RNLS: variants seen among roughly 807,000 people sequenced by gnomAD.
RNLS encodes renalase.
In RNLS, 39 loss-of-function variants were observed where a neutral mutation model predicts 39.8. That is an observed-to-expected ratio of 0.98 (90% CI 0.76 to 1.28). The LOEUF is 1.28. Among genes scored for constraint, RNLS ranks in the 50% most tolerant of loss-of-function variants. RNLS has a pLI of 0.00. For synonymous variants in RNLS, 147 were observed against 150.7 expected (o/e 0.98, Z 0.18); for missense variants, 410 against 413.3 (o/e 0.99, Z 0.07).
chr10:88,556,728 T>G (rs1848895918), intron 4 of RNLS, among the ~76,000 whole-genome samples: 1 of 152,166 alleles, frequency 6.6e-6, no homozygotes, highest in South Asian at 2.1e-4. Flanking sequence ...CCTCCAGAGA[T>G]TCTCTTGGTT....
chr10:88,403,492 C>T (rs1853064915), intron 4 of RNLS, among the ~76,000 whole-genome samples: 1 of 151,874 alleles, frequency 6.6e-6, no homozygotes, highest in African/African-American at 2.4e-5. Flanking sequence ...TAATATGATG[C>T]CTGAAATTTC....
intron 4 of RNLS, among the ~76,000 whole-genome samples, chr10:88,423,388 C>T (rs1388441960): frequency 1.3e-5 from 2 of 152,160 alleles, no homozygotes; most frequent in Non-Finnish European, 2.9e-5. Flanking sequence ...GTTGTATAGC[C>T]AGTGCTTTTA....
chr10:88,384,328 T>C (rs2133539415), intron 4 of RNLS, among the ~76,000 whole-genome samples: 1 of 152,324 alleles, frequency 6.6e-6, no homozygotes. Context: ...GGTCAAACAC[T>C]GGTAAATGAA....
At chr10:88,316,542 G>A (rs1845777950) in intron 5 of RNLS, among the ~76,000 whole-genome samples, 1 of 152,188 alleles carries the variant, frequency 6.6e-6, no homozygotes. Context: ...GGGGCTCTGA[G>A]TTGACTTATC....
chr10:88,351,837 C>T (rs1050202190), intron 5 of RNLS, among the ~76,000 whole-genome samples: 1 of 152,186 alleles, frequency 6.6e-6, no homozygotes, highest in African/African-American at 2.4e-5. Context: ...TATCCATAAG[C>T]ATGGAATGTT....
At chr10:88,401,038 T>C (rs1287690039) in intron 4 of RNLS, among the ~76,000 whole-genome samples, 2 of 151,954 alleles carry the variant, frequency 1.3e-5, no homozygotes, top group Admixed American at 1.3e-4. Context: ...ATAATTCAAA[T>C]TGTATTGGAT....
chr10:88,367,886 T>C (rs1046421117), intron 4 of RNLS, among the ~76,000 whole-genome samples: 8 of 152,156 alleles, frequency 5.3e-5, no homozygotes, highest in African/African-American at 1.9e-4. Context: ...GAGTTCTTTA[T>C]ATATTGTGGA....
At chr10:88,255,662 G>A in the RNLS span, among the ~76,000 whole-genome samples, 1 of 152,268 alleles carries the variant, frequency 6.6e-6, no homozygotes, top group South Asian at 2.1e-4. Context: ...CATTTATCAG[G>A]AACAAAGGCT....
In RNLS at chr10:88,344,913, A is replaced by G. The variant is rs372887051; in HGVS notation, c.700+17639T>C. ...TGATTCCAGTGCTTAATATTCATTC[A>G]TATTATGCAGGGAATTCAATGTCCT... On this transcript the variant is annotated intron_variant, in intron 5 of 6. Transcript: ENST00000331772. Among the ~76,000 whole-genome samples the G allele has an allele frequency of 2.0e-5, 3 of 152,274 alleles. No homozygotes were observed. The East Asian group carries it at 5.8e-4, about 29-fold the overall frequency.
chr10:88,215,691 ATTT>A, the RNLS span, among the ~76,000 whole-genome samples: 2 of 95,430 alleles, frequency 2.1e-5, no homozygotes, highest in African/African-American at 4.1e-5. Context: ...ACCATCTGTA[ATTT>A]TTTTTTTTTT....
intron 4 of RNLS, among the ~76,000 whole-genome samples, chr10:88,388,583 T>C (rs1249051484): frequency 6.6e-6 from 1 of 152,180 alleles, no homozygotes; most frequent in Non-Finnish European, 1.5e-5. Flanking sequence ...CCTGTCTCCA[T>C]GTTATCACAT....
chr10:88,304,475 A>G (rs576073286), intron 6 of RNLS, among the ~76,000 whole-genome samples: 1 of 152,340 alleles, frequency 6.6e-6, no homozygotes, highest in South Asian at 2.1e-4. Flanking sequence ...CAGACAAAAT[A>G]ATTGGTATAG....
rs1272415640 is a variant in RNLS, at chr10:88,284,801, C to A, written c.*553G>T. ...TTTATCAGTCAAGTTGCCCTCCACA[C>A]TAAGATGATGACATATATGACCTAC... On this transcript the variant is annotated 3_prime_UTR_variant, in exon 7 of 7. Coordinates refer to ENST00000331772, the MANE Select transcript of RNLS (RefSeq NM_001031709.3). The A allele has an allele frequency of 1.0e-6, 1 of 985,170 alleles. No homozygotes were observed. Among genetic ancestry groups the A allele is most frequent in the Non-Finnish European group, 1.2e-6 (1 of 829,906 alleles). 61.0% of individuals were successfully genotyped at this position (985,170 alleles called of 1,614,324 possible). A position where few individuals can be genotyped will look rare whatever the true frequency, so the allele number is the denominator to read the frequency against.
At chr10:88,427,283 G>A (rs1854838518) in intron 4 of RNLS, among the ~76,000 whole-genome samples, 1 of 151,984 alleles carries the variant, frequency 6.6e-6, no homozygotes, top group East Asian at 1.9e-4. Flanking sequence ...CTACTGTGCT[G>A]GAGTGGAATC....
chr10:88,433,284 A>G lies in RNLS; in HGVS notation c.527-70559T>C, dbSNP rs573983952. On this transcript the variant is annotated intron_variant, in intron 4 of 6. Transcript: ENST00000331772. Reference sequence around the variant, plus strand: ...CCCTTTCTGAAAGATGAAAAATTCCAGTAGTCCAGAGTTGTTCTTCTGAGC... The same window carrying G: ...CCCTTTCTGAAAGATGAAAAATTCCGGTAGTCCAGAGTTGTTCTTCTGAGC... Among the ~76,000 whole-genome samples the G allele has an allele frequency of 3.6e-4, 55 of 152,136 alleles. 1 individual carries two copies. In the South Asian group the frequency reaches 0.011, roughly 30 times the overall value.
At chr10:88,555,335 A>T (rs1442139487) in intron 4 of RNLS, among the ~76,000 whole-genome samples, 1 of 152,114 alleles carries the variant, frequency 6.6e-6, no homozygotes, top group East Asian at 1.9e-4. Flanking sequence ...TGTCTCCTCC[A>T]AATGTCATGT....
At chr10:88,250,397 T>C in the RNLS span, among the ~76,000 whole-genome samples, 4 of 152,314 alleles carry the variant, frequency 2.6e-5, no homozygotes, top group African/African-American at 4.8e-5. Flanking sequence ...ACCCCTGATA[T>C]GAAGCAAAGG....
At chr10:88,435,290 C>T (rs1322011363) in intron 4 of RNLS, among the ~76,000 whole-genome samples, 1 of 151,662 alleles carries the variant, frequency 6.6e-6, no homozygotes, top group Non-Finnish European at 1.5e-5. Context: ...GGAAAGTTTC[C>T]AGCACACTGC....
rs540002509 is a variant in RNLS, at chr10:88,578,514, C to T, written c.367+3053G>A. Reference sequence around the variant, plus strand: ...ATATTATAGATAGGGTCCAACAAATCCTATAGATAATAGATCGGGGTAGAG... The same window carrying T: ...ATATTATAGATAGGGTCCAACAAATTCTATAGATAATAGATCGGGGTAGAG... On this transcript the variant is annotated intron_variant, in intron 3 of 6. Transcript: ENST00000331772. Among the ~76,000 whole-genome samples, 9 of 151,888 alleles carry T rather than the reference C, an allele frequency of 5.9e-5. No homozygotes were observed. In the Middle Eastern group the frequency reaches 0.014, roughly 230 times the overall value.
Sources: allele counts gnomAD v4.1 joint callset (sites outside exome capture counted in the v4.1 genomes callset), GRCh38; gene constraint gnomAD v4.1.1; transcripts MANE v1.5; gene names NCBI Gene and HGNC (gene_info 2026-07-23, HGNC 2026-07-21).